The following JAKMIP1 variants were observed in gnomAD, a reference collection of about 807,000 sequenced individuals.
The protein encoded by JAKMIP1 is janus kinase and microtubule interacting protein 1.
In JAKMIP1, 33 loss-of-function variants were observed where a neutral mutation model predicts 113.0. The observed-to-expected ratio is 0.29, with a 90% CI of 0.22 to 0.39. The LOEUF is 0.39. Ranked by LOEUF, JAKMIP1 falls within the 10% of genes least tolerant of loss-of-function variation. The pLI, the probability that JAKMIP1 is intolerant of heterozygous loss-of-function variation, is 1.00. For missense variants in JAKMIP1, 813 were observed against 1,080.5 expected, an observed-to-expected ratio of 0.75 and a Z score of 3.47; for synonymous variants, 480 against 459.9, an observed-to-expected ratio of 1.04 and a Z score of -0.56.
At chr4:6,148,829 A>C (rs929659492) in intron 1 of JAKMIP1, among the ~76,000 whole-genome samples, 1 of 152,266 alleles carries the variant, frequency 6.6e-6, no homozygotes, top group South Asian at 2.1e-4. Context: ...GGCCTAGAAG[A>C]AGCCCCCGTT....
rs1720433523 is a variant in JAKMIP1, at chr4:6,080,983, T to TCACACACACACACACACA, written c.1101+625_1101+626insTGTGTGTGTGTGTGTGTG. Among the ~76,000 whole-genome samples, 1 of 9,714 alleles carries TCACACACACACACACACA rather than the reference T, an allele frequency of 1.0e-4. No homozygotes were observed. The highest frequency in any genetic ancestry group is 1.4e-3 in the Admixed American group (1 of 692). 6.4% of individuals were successfully genotyped at this position (9,714 alleles called of 152,430 possible). ...AGGAGAGGACTTCACACAACAGCAA[T>TCACACACACACACACACA]TACACACACACACACACACACACAC... On this transcript the variant is annotated intron_variant, in intron 6 of 20. Transcript: ENST00000409021. The surrounding 1 kb of genome is among the most constrained non-coding windows in gnomAD (Gnocchi z 6.0).
intron 11 of JAKMIP1, 57 bp from the exon 12 acceptor site, chr4:6,056,816 A>T: frequency 8.2e-7 from 1 of 1,220,584 alleles, no homozygotes; most frequent in East Asian, 2.3e-5. Flanking sequence ...TGGTCAAGTA[A>T]CAAACTTTTA....
At chr4:6,174,006 T>C (rs1033393899) in intron 1 of JAKMIP1, among the ~76,000 whole-genome samples, 13 of 151,858 alleles carry the variant, frequency 8.6e-5, no homozygotes, top group African/African-American at 3.1e-4. Flanking sequence ...AAGGTGGAGG[T>C]TGCAGTGAGC....
Position 6,049,746 on chromosome 4 carries a change from A to G in JAKMIP1, c.1962+73T>C. 1 of 1,178,182 alleles carries G rather than the reference A, an allele frequency of 8.5e-7. No homozygotes were observed. Among genetic ancestry groups the G allele is most frequent in the Admixed American group, 1.9e-5 (1 of 53,672 alleles). 73.0% of individuals were successfully genotyped at this position (1,178,182 alleles called of 1,614,324 possible). ...TCAGAGAGAAATTAAAAACAAAACA[A>G]AACAAAAGTCACACAGAATACACCC... is the stretch of plus-strand genomic sequence containing the variant. On this transcript the variant is annotated intron_variant, in intron 15 of 20. Coordinates refer to ENST00000409021, the MANE Select transcript of JAKMIP1 (RefSeq NM_001099433.2). This position sits in a 1 kb window ranked among gnomAD's most constrained non-coding sequence, Gnocchi z 7.0.
At chr4:6,055,589 A>G (rs766923380) in intron 12 of JAKMIP1, among the ~76,000 whole-genome samples, 2 of 152,154 alleles carry the variant, frequency 1.3e-5, no homozygotes, top group African/African-American at 4.8e-5. Context: ...AGGGCTCTGG[A>G]CCATAAAGCC....
In JAKMIP1 at chr4:6,106,339, A is replaced by G. The variant is rs1713944352; in HGVS notation, c.130-372T>C. Among the ~76,000 whole-genome samples the G allele has an allele frequency of 6.6e-6, 1 of 152,314 alleles. No individual in the cohort carries two copies. Among genetic ancestry groups the G allele is most frequent in the African/African-American group, 2.4e-5 (1 of 41,560 alleles). On this transcript the variant is annotated intron_variant, in intron 2 of 20. Transcript: ENST00000409021. This position sits in a 1 kb window ranked among gnomAD's most constrained non-coding sequence, Gnocchi z 5.9. Reference sequence around the variant, plus strand: ...GATTGTAAACCAGAAATATATTTCCAGGGCCCCATGCGCGGACTGTGGAGT... The same window carrying G: ...GATTGTAAACCAGAAATATATTTCCGGGGCCCCATGCGCGGACTGTGGAGT...
intron 10 of JAKMIP1, among the ~76,000 whole-genome samples, chr4:6,060,731 A>G (rs1020074741): frequency 1.3e-5 from 2 of 152,224 alleles, no homozygotes; most frequent in African/African-American, 4.8e-5. Flanking sequence ...TGGTTTTACA[A>G]ACCAAAACTT....
Position 6,069,093 on chromosome 4 carries a change from G to T in JAKMIP1, c.1303-4085C>A, listed in dbSNP as rs1010762668. Among the ~76,000 whole-genome samples the T allele has an allele frequency of 3.3e-5, 5 of 152,104 alleles. No individual in the cohort carries two copies. Among genetic ancestry groups the T allele is most frequent in the African/African-American group, 1.2e-4 (5 of 41,418 alleles). On this transcript the variant is annotated intron_variant, in intron 8 of 20. Transcript: ENST00000409021. The surrounding 1 kb of genome is among the most constrained non-coding windows in gnomAD (Gnocchi z 4.5). Reference sequence around the variant, plus strand: ...AAACACAGTGGCTATCTTCCTTGAAGGCAATGCAACTGGTTTTGCACTGCA... The same window carrying T: ...AAACACAGTGGCTATCTTCCTTGAATGCAATGCAACTGGTTTTGCACTGCA...
rs931143182 is a variant in JAKMIP1 at position 6,154,634 on chromosome 4, C to T, written c.-147-41637G>A. Among the ~76,000 whole-genome samples the T allele has an allele frequency of 3.9e-5, 6 of 151,946 alleles. No individual in the cohort carries two copies. The highest frequency in any genetic ancestry group is 6.6e-5 in the Admixed American group (1 of 15,254). On this transcript the variant is annotated intron_variant, in intron 1 of 20. Transcript: ENST00000409021. This position sits in a 1 kb window ranked among gnomAD's most constrained non-coding sequence, Gnocchi z 4.2. ...AGCCCAACACGCACAGCCCACTGCA[C>T]GCAGGGACTGTGCCCAACTCTGCAG... is the stretch of plus-strand genomic sequence containing the variant.
In JAKMIP1 at chr4:6,048,941, C is replaced by T. The variant is rs1233699189; in HGVS notation, c.1963-19G>A. ...TCAAATTCTAAAACACAAAAATGGG[C>T]AAGGGCATTTGACACTGGATCCCAA... is the stretch of plus-strand genomic sequence containing the variant. On this transcript the variant is annotated intron_variant, in intron 15 of 20. Coordinates refer to ENST00000409021, the MANE Select transcript of JAKMIP1 (RefSeq NM_001099433.2). The T allele has an allele frequency of 6.2e-7, 1 of 1,610,492 alleles. No individual in the cohort carries two copies. Among genetic ancestry groups the T allele is most frequent in the East Asian group, 2.2e-5 (1 of 44,874 alleles).
At chr4:6,039,713 T>G (rs1315462420) in intron 18 of JAKMIP1, among the ~76,000 whole-genome samples, 1 of 152,192 alleles carries the variant, frequency 6.6e-6, no homozygotes, top group Non-Finnish European at 1.5e-5. Flanking sequence ...TCTCAAGGGA[T>G]TCAAGCCTCA....
rs984389619 is a variant in JAKMIP1 at position 6,162,007 on chromosome 4, G to A, written c.-148+38246C>T. ...CCCCACGGTGTCTGCCTCACACCACGGGTACATGGTGCCTCCTTGATGGAG... is the reference window on the plus strand; with the variant it reads ...CCCCACGGTGTCTGCCTCACACCACAGGTACATGGTGCCTCCTTGATGGAG... On this transcript the variant is annotated intron_variant, in intron 1 of 20. Coordinates refer to ENST00000409021, the MANE Select transcript of JAKMIP1 (RefSeq NM_001099433.2). This position sits in a 1 kb window ranked among gnomAD's most constrained non-coding sequence, Gnocchi z 5.6. 3.9e-5 allele frequency among the ~76,000 whole-genome samples: 6 copies of A among 152,002 alleles called. No individual in the cohort carries two copies. Among genetic ancestry groups the A allele is most frequent in the African/African-American group, 9.7e-5 (4 of 41,292 alleles).
rs778167101 is a variant in JAKMIP1, at chr4:6,059,945, T to C, written c.1644+479A>G. On this transcript the variant is annotated intron_variant, in intron 11 of 20. Coordinates refer to ENST00000409021, the MANE Select transcript of JAKMIP1 (RefSeq NM_001099433.2). This position sits in a 1 kb window ranked among gnomAD's most constrained non-coding sequence, Gnocchi z 4.8. Reference sequence around the variant, plus strand: ...TGTCAACCAGCCTTGCCTAATCAAATGCAGTGGATGGGTAGGTGCAGTTGA... The same window carrying C: ...TGTCAACCAGCCTTGCCTAATCAAACGCAGTGGATGGGTAGGTGCAGTTGA... Among the ~76,000 whole-genome samples the C allele has an allele frequency of 6.6e-6, 1 of 152,060 alleles. No homozygotes were observed. Among genetic ancestry groups the C allele is most frequent in the Non-Finnish European group, 1.5e-5 (1 of 67,996 alleles).
rs1714404643 is a variant in JAKMIP1, at chr4:6,108,849, G to GT, written c.130-2883dup. Among the ~76,000 whole-genome samples, 5 of 152,358 alleles carry GT rather than the reference G, an allele frequency of 3.3e-5. No homozygotes were observed. In the South Asian group the frequency reaches 1.0e-3, roughly 32 times the overall value. ...GCAGTGGATGCGTCTTGGGACATCT[G>GT]TAAGAACTCATGTTTGACTTTGTAT... is the stretch of plus-strand genomic sequence containing the variant. On this transcript the variant is annotated intron_variant, in intron 2 of 20. Transcript: ENST00000409021. The surrounding 1 kb of genome is among the most constrained non-coding windows in gnomAD (Gnocchi z 5.6).
intron 1 of JAKMIP1, among the ~76,000 whole-genome samples, chr4:6,115,701 T>G (rs1715641072): frequency 6.6e-6 from 1 of 152,202 alleles, no homozygotes; most frequent in African/African-American, 2.4e-5. Context: ...AACAGTGCAG[T>G]TTTTTCGTTT....
chr4:6,027,987 C>A (rs576386521), intron 20 of JAKMIP1, among the ~76,000 whole-genome samples: 1 of 152,182 alleles, frequency 6.6e-6, no homozygotes. Flanking sequence ...CCCTGGGCTG[C>A]GAACTTTCAT....
chr4:6,026,783 C>T (rs934558016), intron 20 of JAKMIP1, among the ~76,000 whole-genome samples: 1 of 152,160 alleles, frequency 6.6e-6, no homozygotes, highest in Non-Finnish European at 1.5e-5. Context: ...CCTCTACCCA[C>T]AGGCCCCATG....
At position 6,179,509 on chromosome 4, in the gene JAKMIP1, C is replaced by G. The variant is rs1725778307; in HGVS notation, c.-148+20744G>C. Among the ~76,000 whole-genome samples, 1 of 152,214 alleles carries G rather than the reference C, an allele frequency of 6.6e-6. No individual in the cohort carries two copies. ...CCCTACAGGCACCGTCAAGGGACAA[C>G]CCTACAAAGCCACAAACCCACAGGA... On this transcript the variant is annotated intron_variant, in intron 1 of 20. Transcript: ENST00000409021. This position sits in a 1 kb window ranked among gnomAD's most constrained non-coding sequence, Gnocchi z 4.5.
chr4:6,029,763 C>T lies in JAKMIP1; in HGVS notation c.2398G>A (p.Asp800Asn), dbSNP rs778740136. The change falls in exon 20 of 21, where the codon GAC becomes AAC. Residue 800 changes from aspartate (D) to asparagine (N), a missense_variant. By Grantham distance (23) the Asp-to-Asn change is conservative. Around this residue, in one of 2 missense-constraint regions of JAKMIP1, gnomAD observed 273 missense variants for 426.6 expected, o/e 0.64. Coordinates refer to ENST00000409021, the MANE Select transcript of JAKMIP1 (RefSeq NM_001099433.2). ...QAQQRIRELE[D>N]KLEFQKRHLK... ...TGCCGCTTCTGAAACTCCAGTTTGT[C>T]CTCCAGTTCTCGGATTCTCTGAAAT... The T allele has an allele frequency of 1.9e-5, 31 of 1,604,696 alleles. No homozygotes were observed. Among genetic ancestry groups the T allele is most frequent in the East Asian group, 2.2e-5 (1 of 44,744 alleles).
Sources: allele counts gnomAD v4.1 joint callset (sites outside exome capture counted in the v4.1 genomes callset), GRCh38; gene constraint gnomAD v4.1.1; regional missense constraint gnomAD v4.1.1; non-coding constraint Gnocchi (gnomAD v3.1); transcripts MANE v1.5; gene names NCBI Gene and HGNC (gene_info 2026-07-23, HGNC 2026-07-21).